MYO1C: variants seen among roughly 807,000 people sequenced by gnomAD.
MYO1C encodes myosin IC.
In MYO1C, 104 loss-of-function variants were observed where a neutral mutation model predicts 150.8. That is an observed-to-expected ratio of 0.69 (90% CI 0.59 to 0.81). The LOEUF (loss-of-function observed/expected upper bound fraction) is 0.81, where lower values mean the gene tolerates loss of function less well. Ranked by LOEUF, MYO1C falls within the 30% of genes least tolerant of loss-of-function variation. The pLI is 0.00. For synonymous variants in MYO1C, 663 were observed against 579.9 expected, an observed-to-expected ratio of 1.14 and a Z score of -2.06; for missense variants, 1,504 against 1,435.0, an observed-to-expected ratio of 1.05 and a Z score of -0.78.
intron 19 of MYO1C, among the ~76,000 whole-genome samples, 183 bp downstream of exon 19, chr17:1,471,724 G>A (rs2074307148): frequency 6.6e-6 from 1 of 151,942 alleles, no homozygotes; most frequent in Non-Finnish European, 1.5e-5. Context: ...GGGGAGCCGG[G>A]TATTCTTTCC....
chr17:1,465,827 G>A lies in MYO1C; in HGVS notation c.3166-75C>T, dbSNP rs369737695. On this transcript the variant is annotated intron_variant, in intron 31 of 31. Transcript: ENST00000648651. The stretch of plus-strand genomic sequence containing the variant: ...CCCCGGTACTCAGACTTTTCTTTTC[G>A]TCCTTGTTTTTTCCTTTTTATGGAG... 2,448 of 1,143,914 alleles carry A rather than the reference G, an allele frequency of 2.1e-3. 2 individuals carry two copies. Among genetic ancestry groups the A allele is most frequent in the Non-Finnish European group, 2.7e-3 (2,332 of 871,982 alleles). 70.9% of individuals were successfully genotyped at this position (1,143,914 alleles called of 1,614,324 possible).
rs1300964943 is a variant in MYO1C at position 1,474,616 on chromosome 17, T to C, written c.1791A>G (p.Pro597=). 6.2e-7 allele frequency: 1 copy of C among 1,613,826 alleles called. No homozygotes were observed. The change falls in exon 17 of 32, where the codon CCA becomes CCG. Residue 597 remains proline, a synonymous_variant. Coordinates refer to ENST00000648651, the MANE Select transcript of MYO1C (RefSeq NM_001080779.2). ...GGTCCCGCCACCTCCTCACCGTCTCTGGCCGCTTCTTGTCACTGAGCTCGC... is the reference window on the plus strand; with the variant it reads ...GGTCCCGCCACCTCCTCACCGTCTCCGGCCGCTTCTTGTCACTGAGCTCGC... ...DRSELSDKKR[P]ETVATQFKMS...
At chr17:1,489,440 C>T (rs1010252715) in intron 1 of MYO1C, among the ~76,000 whole-genome samples, 7 of 152,154 alleles carry the variant, frequency 4.6e-5, no homozygotes, top group Non-Finnish European at 7.4e-5. Context: ...TTTGAGAGGC[C>T]GAGGTGGGAG....
intron 1 of MYO1C, among the ~76,000 whole-genome samples, chr17:1,489,065 C>G (rs190820500): frequency 6.6e-6 from 1 of 152,124 alleles, no homozygotes; most frequent in African/African-American, 2.4e-5. Context: ...CTGAGGCACC[C>G]GGGACTGCTG....
chr17:1,490,756 G>A (rs898329579), intron 1 of MYO1C, among the ~76,000 whole-genome samples: 1 of 151,650 alleles, frequency 6.6e-6, no homozygotes, highest in Non-Finnish European at 1.5e-5. Flanking sequence ...CCCCCCTGCT[G>A]TCCCCAGTTT....
Position 1,468,149 on chromosome 17 carries a change from G to C in MYO1C, c.2761-26C>G, listed in dbSNP as rs1411741236. ...CTGGGGACAGAGGCCAGGCTGAAGGGGCTGGGGAGAGGCTCCCAAGGCTCC... is the reference window on the plus strand; with the variant it reads ...CTGGGGACAGAGGCCAGGCTGAAGGCGCTGGGGAGAGGCTCCCAAGGCTCC... On this transcript the variant is annotated intron_variant, in intron 27 of 31. Transcript: ENST00000648651. 4.3e-6 allele frequency: 7 copies of C among 1,612,670 alleles called. No individual in the cohort carries two copies. The African/African-American group carries it at 9.3e-5, about 22-fold the overall frequency.
Position 1,492,428 on chromosome 17 carries a change from G to C in MYO1C, c.60C>G (p.His20Gln), listed in dbSNP as rs1452383367. 4 of 1,606,746 alleles carry C rather than the reference G, an allele frequency of 2.5e-6. No individual in the cohort carries two copies. Reference protein sequence around the residue: ...TGEIIRVVHPHRPCKLALGSD... With the variant: ...TGEIIRVVHPQRPCKLALGSD... ...CCCAGCTTACAAGCTTGCAGGGCCT[G>C]TGGGGATGAACCACGCGGATGATCT... Residue 20 changes from histidine (H) to glutamine (Q), a missense_variant, in exon 1 of 32, where the codon CAC becomes CAG. By Grantham distance (24) the His-to-Gln change is conservative. Transcript: ENST00000648651.
intron 1 of MYO1C, chr17:1,484,648 T>A (rs1356507612): frequency 2.1e-6 from 1 of 479,622 alleles, no homozygotes; most frequent in Non-Finnish European, 3.8e-6. Flanking sequence ...TGGTTTTGGG[T>A]GGAGAAAGGG....
intron 1 of MYO1C, among the ~76,000 whole-genome samples, chr17:1,490,333 T>C (rs1353433399): frequency 6.9e-6 from 1 of 144,108 alleles, no homozygotes; most frequent in Admixed American, 7.0e-5. Flanking sequence ...CCGTCTCTAC[T>C]AAAAAAAAAA....
Position 1,477,203 on chromosome 17 carries a change from A to T in MYO1C, c.1574+302T>A. On this transcript the variant is annotated intron_variant, in intron 14 of 31. Coordinates refer to ENST00000648651, the MANE Select transcript of MYO1C (RefSeq NM_001080779.2). ...CCCTTTTTTTTTTTTTTTGAGACGGAGTCTCGCTCTTGTCACCCAGGCTGG... is the reference window on the plus strand; with the variant it reads ...CCCTTTTTTTTTTTTTTTGAGACGGTGTCTCGCTCTTGTCACCCAGGCTGG... 6 of 243,598 alleles carry T rather than the reference A, an allele frequency of 2.5e-5. No individual in the cohort carries two copies. In the East Asian group the frequency reaches 2.9e-4, roughly 12 times the overall value. 15.1% of individuals were successfully genotyped at this position (243,598 alleles called of 1,614,324 possible). A position where few individuals can be genotyped will look rare whatever the true frequency, so the allele number is the denominator to read the frequency against.
In MYO1C at chr17:1,471,118, G is replaced by T; in HGVS notation, c.2165C>A (p.Thr722Asn). ...CAGGGCATCCTCTGTGGCAAACAGG[G>T]TCTTGGGGAAGCGGATGAAGATCTT... ...RTKIFIRFPK[T>N]LFATEDALEV... The change falls in exon 21 of 32, where the codon ACC (threonine) becomes AAC (asparagine). Residue 722 changes from threonine to asparagine, a missense_variant. Physicochemically the swap from Thr to Asn is moderately conservative, Grantham distance 65. Coordinates refer to ENST00000648651, the MANE Select transcript of MYO1C (RefSeq NM_001080779.2). 6.2e-7 allele frequency: 1 copy of T among 1,614,176 alleles called. No homozygotes were observed. The highest frequency in any genetic ancestry group is 2.2e-5 in the East Asian group (1 of 44,880).
intron 3 of MYO1C, 67 bp from the exon 4 acceptor site, chr17:1,483,126 C>A: frequency 6.8e-7 from 1 of 1,465,738 alleles, no homozygotes; most frequent in Non-Finnish European, 9.2e-7. Context: ...GAGTCCCGCT[C>A]CCACATCTGG....
At chr17:1,484,880 A>AC in intron 1 of MYO1C, 1 of 82,476 alleles carries the variant, frequency 1.2e-5, no homozygotes, top group Non-Finnish European at 2.3e-5. Flanking sequence ...TCTCCCACCC[A>AC]GACCCACCCC....
Position 1,478,833 on chromosome 17 carries a change from G to A in MYO1C, c.1093-98C>T. The A allele has an allele frequency of 6.4e-7, 1 of 1,567,338 alleles. No homozygotes were observed. The highest frequency in any genetic ancestry group is 8.6e-7 in the Non-Finnish European group (1 of 1,157,106). ...CAGACCAGGAAGCCGCCACCACTCT[G>A]CACTCCCAGCTCCAGCAAGCCTGCA... On this transcript the variant is annotated intron_variant, in intron 9 of 31. Transcript: ENST00000648651. This position sits in a 1 kb window ranked among gnomAD's most constrained non-coding sequence, Gnocchi z 6.3.
At chr17:1,472,582 G>T (rs1598328044) in intron 17 of MYO1C, among the ~76,000 whole-genome samples, 1 of 152,206 alleles carries the variant, frequency 6.6e-6, no homozygotes, top group Admixed American at 6.5e-5. Flanking sequence ...CATTCAGCTA[G>T]TATCTGGGTA....
At chr17:1,483,097 G>C in intron 3 of MYO1C, 38 bp from the exon 4 acceptor site, 1 of 1,544,118 alleles carries the variant, frequency 6.5e-7, no homozygotes, top group Non-Finnish European at 8.7e-7. Flanking sequence ...GGGGAGGGGG[G>C]CCAAGCAGAG....
In MYO1C at chr17:1,468,096, G is replaced by A. The variant is rs754626696; in HGVS notation, c.2788C>T (p.Arg930Cys). The A allele has an allele frequency of 9.9e-6, 16 of 1,613,392 alleles. No homozygotes were observed. The highest frequency in any genetic ancestry group is 4.5e-5 in the East Asian group (2 of 44,772). ...QYAVPVVKYD[R>C]KGYKPRSRQL... is the part of the protein sequence containing the mutation. ...CGGGAGCGAGGCTTGTAGCCCTTGC[G>A]GTCGTATTTCACAACAGGCACCGCA... Residue 930 changes from arginine to cysteine, a missense_variant, in exon 28 of 32, where the codon CGC becomes TGC. Transcript: ENST00000648651.
chr17:1,467,700 CA>C, intron 29 of MYO1C, 123 bp from the exon 30 acceptor site: 1 of 924,992 alleles, frequency 1.1e-6, no homozygotes, highest in Non-Finnish European at 1.6e-6. Context: ...CCTCCCCATC[CA>C]CCTCCTGACC....
In MYO1C at chr17:1,465,757, G is replaced by C; in HGVS notation, c.3166-5C>G. 1 of 1,321,552 alleles carries C rather than the reference G, an allele frequency of 7.6e-7. No homozygotes were observed. Among genetic ancestry groups the C allele is most frequent in the Middle Eastern group, 2.0e-4 (1 of 4,940 alleles). 81.9% of individuals were successfully genotyped at this position (1,321,552 alleles called of 1,614,324 possible). On this transcript the variant is annotated splice_region_variant and splice_polypyrimidine_tract_variant and intron_variant, in intron 31 of 31. Transcript: ENST00000648651. ...AGAATTCAGCCGTGGGGCGACCTGTGGGGGCGGAGAGAGACGGCCAAGTGG... is the reference window on the plus strand; with the variant it reads ...AGAATTCAGCCGTGGGGCGACCTGTCGGGGCGGAGAGAGACGGCCAAGTGG...
Sources: gnomAD v4.1 joint callset for allele counts (sites outside exome capture counted in the v4.1 genomes callset) on GRCh38, gnomAD v4.1.1 for gene constraint, Gnocchi (gnomAD v3.1) non-coding constraint, MANE v1.5 for transcripts, NCBI Gene and HGNC (gene_info 2026-07-23, HGNC 2026-07-21) for gene names.